The following RNFT2 variants were observed in gnomAD, a reference collection of about 807,000 sequenced individuals.
RNFT2 encodes E3 ubiquitin-protein ligase RNFT2.
A neutral mutation model predicts 53.0 loss-of-function variants in RNFT2; 36 were observed. The ratio of observed to expected loss-of-function variants is 0.68; its 90% CI spans 0.52 to 0.90. The LOEUF (loss-of-function observed/expected upper bound fraction) is 0.90, where lower values mean the gene tolerates loss of function less well. Ranked by LOEUF, RNFT2 falls within the 40% of genes least tolerant of loss-of-function variation. The pLI, the probability that RNFT2 is intolerant of heterozygous loss-of-function variation, is 0.00. For synonymous variants in RNFT2, 260 were observed against 253.2 expected (o/e 1.03, Z -0.26); for missense variants, 514 against 585.6 (o/e 0.88, Z 1.26).
At chr12:116,759,758 G>A (rs1351770227) in intron 5 of RNFT2, among the ~76,000 whole-genome samples, 4 of 152,174 alleles carry the variant, frequency 2.6e-5, no homozygotes, top group African/African-American at 9.6e-5. Context: ...CTGTTGCCAT[G>A]GAGGTGGTGG....
chr12:116,769,615 T>C (rs1348068264), intron 6 of RNFT2, among the ~76,000 whole-genome samples: 5 of 152,204 alleles, frequency 3.3e-5, no homozygotes, highest in Non-Finnish European at 7.3e-5. Context: ...TCTGTACAGC[T>C]GTACAATCTG....
Position 116,850,002 on chromosome 12 carries a change from C to G in RNFT2, c.*554C>G, listed in dbSNP as rs1877837198. On this transcript the variant is annotated 3_prime_UTR_variant, in exon 11 of 11. Coordinates refer to ENST00000257575, the MANE Select transcript of RNFT2 (RefSeq NM_001382266.1). ...GGGATTACAGGCACCCACCAACACACTTGGCTAATTTTTGTATTTTTTAGT... is the reference window on the plus strand; with the variant it reads ...GGGATTACAGGCACCCACCAACACAGTTGGCTAATTTTTGTATTTTTTAGT... 6.6e-6 allele frequency: 1 copy of G among 152,040 alleles called. No homozygotes were observed. Among genetic ancestry groups the G allele is most frequent in the African/African-American group, 2.4e-5 (1 of 41,322 alleles). 9.4% of individuals were successfully genotyped at this position (152,040 alleles called of 1,614,324 possible).
chr12:116,767,429 G>C (rs1872968139), intron 6 of RNFT2, among the ~76,000 whole-genome samples: 1 of 152,154 alleles, frequency 6.6e-6, no homozygotes, highest in African/African-American at 2.4e-5. Context: ...GTGTTGCCCA[G>C]GCTGGGCTCG....
At chr12:116,785,057 C>T (rs929896637) in intron 7 of RNFT2, among the ~76,000 whole-genome samples, 4 of 152,114 alleles carry the variant, frequency 2.6e-5, no homozygotes, top group African/African-American at 9.7e-5. Flanking sequence ...ACCAGCATCA[C>T]GCCCTGACAC....
chr12:116,750,402 A>G (rs1872135444), intron 4 of RNFT2, 95 bp downstream of exon 4: 7 of 1,187,696 alleles, frequency 5.9e-6, no homozygotes, highest in Non-Finnish European at 8.3e-6. Flanking sequence ...AAGCCCAGGG[A>G]GAGGCAGCAG....
intron 7 of RNFT2, among the ~76,000 whole-genome samples, chr12:116,808,502 C>G (rs1340233723): frequency 6.6e-6 from 1 of 152,162 alleles, no homozygotes; most frequent in Non-Finnish European, 1.5e-5. Context: ...GGGACAGGGC[C>G]CCAGCAGGCA....
intron 10 of RNFT2, among the ~76,000 whole-genome samples, chr12:116,838,734 C>T (rs1265464483): frequency 2.0e-5 from 3 of 152,250 alleles, no homozygotes; most frequent in Non-Finnish European, 4.4e-5. Context: ...AGGTGAAAGT[C>T]TGACAAGCTC....
chr12:116,784,358 C>G (rs1340590199), intron 7 of RNFT2, among the ~76,000 whole-genome samples: 2 of 152,192 alleles, frequency 1.3e-5, no homozygotes, highest in African/African-American at 4.8e-5. Flanking sequence ...CTGATTGGCC[C>G]CGGTCATTTT....
At chr12:116,843,367 C>A (rs916424292) in intron 10 of RNFT2, among the ~76,000 whole-genome samples, 5 of 151,796 alleles carry the variant, frequency 3.3e-5, no homozygotes, top group Non-Finnish European at 5.9e-5. Flanking sequence ...ATGGTGCCTG[C>A]CTGTAGTCGA....
chr12:116,852,203 T>C lies in RNFT2; in HGVS notation c.*2755T>C, dbSNP rs1363609816. ...CCTCAGCACAACAGGCTGGCGCCAA[T>C]GGCATTACAGAGAAAGCAATCTGTG... On this transcript the variant is annotated 3_prime_UTR_variant, in exon 11 of 11. Transcript: ENST00000257575. 2 of 1,247,084 alleles carry C rather than the reference T, an allele frequency of 1.6e-6. No homozygotes were observed. Among genetic ancestry groups the C allele is most frequent in the African/African-American group, 3.0e-5 (2 of 66,852 alleles). 77.3% of individuals were successfully genotyped at this position (1,247,084 alleles called of 1,614,324 possible). A position where few individuals can be genotyped will look rare whatever the true frequency, so the allele number is the denominator to read the frequency against.
intron 5 of RNFT2, 30 bp downstream of exon 5, chr12:116,754,090 G>A: frequency 6.3e-7 from 1 of 1,578,250 alleles, no homozygotes; most frequent in South Asian, 1.1e-5. Flanking sequence ...AGTCTCCTGT[G>A]GCTGCTGCAA....
chr12:116,770,703 G>A lies in RNFT2; in HGVS notation c.728+3789G>A, dbSNP rs574535770. Among the ~76,000 whole-genome samples the A allele has an allele frequency of 2.8e-3, 426 of 151,930 alleles. 3 individuals carry two copies. The highest frequency in any genetic ancestry group is 8.5e-3 in the African/African-American group (351 of 41,412). ...CTCCCAAGTAGCTGGGACTTCAGGC[G>A]CATGTTACCATGCTCAGCTAAATTT... On this transcript the variant is annotated intron_variant, in intron 6 of 10. Coordinates refer to ENST00000257575, the MANE Select transcript of RNFT2 (RefSeq NM_001382266.1).
At chr12:116,836,565 G>A (rs1876984731) in intron 10 of RNFT2, among the ~76,000 whole-genome samples, 2 of 152,156 alleles carry the variant, frequency 1.3e-5, no homozygotes, top group East Asian at 1.9e-4. Context: ...AATTTCAGCA[G>A]CATTCTTGAC....
At chr12:116,750,881 TTATATATATA>T (rs777258812) in intron 4 of RNFT2, among the ~76,000 whole-genome samples, 74,099 of 92,896 alleles carry the variant, frequency 0.8, 27,970 homozygotes, top group South Asian at 0.83. Context: ...AATATATATA[TTATATATATA>T]ATATATATAT....
At chr12:116,804,598 A>G (rs563242997) in intron 7 of RNFT2, among the ~76,000 whole-genome samples, 2 of 152,338 alleles carry the variant, frequency 1.3e-5, no homozygotes, top group East Asian at 1.9e-4. Context: ...AAGTTTCTCT[A>G]ACACAGCCAT....
At chr12:116,774,934 AAGAG>A (rs113761307) in intron 6 of RNFT2, among the ~76,000 whole-genome samples, 1,500 of 147,792 alleles carry the variant, frequency 0.01, 14 homozygotes, top group Non-Finnish European at 0.012. Context: ...GGTGCACAGA[AAGAG>A]AGAGAGAGAG....
At chr12:116,786,488 A>G (rs1274258612) in intron 7 of RNFT2, among the ~76,000 whole-genome samples, 2 of 152,078 alleles carry the variant, frequency 1.3e-5, no homozygotes, top group Non-Finnish European at 2.9e-5. Flanking sequence ...TACAACTTCA[A>G]GACTCCAGCT....
At chr12:116,823,220 A>G (rs1421715737) in intron 7 of RNFT2, among the ~76,000 whole-genome samples, 1 of 152,200 alleles carries the variant, frequency 6.6e-6, no homozygotes, top group Non-Finnish European at 1.5e-5. Context: ...TTAACAGTGC[A>G]TAGAGGCCCA....
rs1414365866 is a variant in RNFT2, at chr12:116,832,144, A to ATATATAT, written c.883-1648_883-1647insTATATAT. On this transcript the variant is annotated intron_variant, in intron 7 of 10. Coordinates refer to ENST00000257575, the MANE Select transcript of RNFT2 (RefSeq NM_001382266.1). ...AGACCTTGTCTCAAAAAAAAAAAAAAAAAAATATATATATATATATATATA... is the reference window on the plus strand; with the variant it reads ...AGACCTTGTCTCAAAAAAAAAAAAAATATATATAAAAATATATATATATATATATATA... Among the ~76,000 whole-genome samples, 329 of 52,116 alleles carry ATATATAT rather than the reference A, an allele frequency of 6.3e-3. 1 individual carries two copies. Among genetic ancestry groups the ATATATAT allele is most frequent in the Middle Eastern group, 9.1e-3 (1 of 110 alleles). 34.2% of individuals were successfully genotyped at this position (52,116 alleles called of 152,430 possible).
Sources: gnomAD v4.1 joint callset for allele counts (sites outside exome capture counted in the v4.1 genomes callset) on GRCh38, gnomAD v4.1.1 for gene constraint, MANE v1.5 for transcripts, NCBI Gene and HGNC (gene_info 2026-07-23, HGNC 2026-07-21) for gene names.